Variants in VTI1A observed in about 807,000 individuals in gnomAD.
The protein encoded by VTI1A is vesicle transport through interaction with t-SNAREs 1A.
Under a neutral mutation model 34.9 loss-of-function variants are expected in VTI1A, and 22 were observed. That is an observed-to-expected ratio of 0.63 (90% CI 0.45 to 0.90). VTI1A has a LOEUF of 0.90. Ranked by LOEUF, VTI1A falls within the 40% of genes least tolerant of loss-of-function variation. VTI1A has a pLI of 0.00. For missense variants in VTI1A, 268 were observed against 275.6 expected, an observed-to-expected ratio of 0.97 and a Z score of 0.20; for synonymous variants, 87 against 97.3, an observed-to-expected ratio of 0.89 and a Z score of 0.62.
chr10:112,705,915 A>G (rs1257791283), intron 7 of VTI1A, among the ~76,000 whole-genome samples: 1 of 148,006 alleles, frequency 6.8e-6, no homozygotes, highest in Non-Finnish European at 1.5e-5. Flanking sequence ...GGGCATGTCT[A>G]CGATTGTCAT....
chr10:112,713,969 A>G (rs978146694), intron 7 of VTI1A, among the ~76,000 whole-genome samples: 1 of 152,106 alleles, frequency 6.6e-6, no homozygotes, highest in Non-Finnish European at 1.5e-5. Context: ...CTCCCCGTGT[A>G]TTTTGGCACC....
chr10:112,487,295 T>TAGTATTTTTA (rs1485878971), intron 3 of VTI1A, among the ~76,000 whole-genome samples: 1 of 152,156 alleles, frequency 6.6e-6, no homozygotes, highest in African/African-American at 2.4e-5. Context: ...GGCTCATTTT[T>TAGTATTTTTA]GTATTTTTAG....
At chr10:112,564,186 C>T (rs1851825048) in intron 5 of VTI1A, among the ~76,000 whole-genome samples, 1 of 150,122 alleles carries the variant, frequency 6.7e-6, no homozygotes, top group Non-Finnish European at 1.5e-5. Context: ...CCACAACTTG[C>T]ATGGAATGAA....
At chr10:112,771,016 G>C (rs1253799176) in intron 7 of VTI1A, among the ~76,000 whole-genome samples, 1 of 152,010 alleles carries the variant, frequency 6.6e-6, no homozygotes, top group Non-Finnish European at 1.5e-5. Flanking sequence ...GAGTCGTTTT[G>C]AATGGAGAAG....
At chr10:112,464,499 T>C in intron 2 of VTI1A, 48 bp from the exon 3 acceptor site, 1 of 1,505,506 alleles carries the variant, frequency 6.6e-7, no homozygotes, top group Non-Finnish European at 9.1e-7. Context: ...TTTGTTCAAA[T>C]AAGAATAACA....
chr10:112,845,853 G>A, the VTI1A span, among the ~76,000 whole-genome samples: 80 of 152,094 alleles, frequency 5.3e-4, no homozygotes, highest in African/African-American at 1.9e-3. Context: ...CCCCGTCTCT[G>A]CTAAAAATAC....
chr10:112,589,159 T>TG (rs993483722), intron 5 of VTI1A, among the ~76,000 whole-genome samples: 44 of 151,848 alleles, frequency 2.9e-4, no homozygotes, highest in African/African-American at 1.1e-3. Flanking sequence ...CCTTAATACA[T>TG]GGGGGGTGAT....
intron 7 of VTI1A, among the ~76,000 whole-genome samples, chr10:112,747,858 A>G (rs560441721): frequency 6.6e-6 from 1 of 152,144 alleles, no homozygotes; most frequent in Non-Finnish European, 1.5e-5. Flanking sequence ...CAATTTCCCT[A>G]GGAAGTTTTT....
intron 7 of VTI1A, among the ~76,000 whole-genome samples, chr10:112,679,529 G>C (rs1244106138): frequency 6.6e-6 from 1 of 151,794 alleles, no homozygotes. Flanking sequence ...TTTTAAAAAG[G>C]CTAATGACTT....
chr10:112,589,168 A>G (rs1844281211), intron 5 of VTI1A, among the ~76,000 whole-genome samples: 1 of 151,892 alleles, frequency 6.6e-6, no homozygotes, highest in African/African-American at 2.4e-5. Flanking sequence ...ATGGGGGGTG[A>G]TATGATTTGG....
chr10:112,777,303 T>A (rs963833594), intron 7 of VTI1A, among the ~76,000 whole-genome samples: 4 of 152,146 alleles, frequency 2.6e-5, no homozygotes, highest in Non-Finnish European at 5.9e-5. Flanking sequence ...CTTGTCTGAG[T>A]GGTGTCTGAA....
intron 4 of VTI1A, among the ~76,000 whole-genome samples, chr10:112,534,691 T>A (rs1032406264): frequency 2.9e-4 from 44 of 152,288 alleles, no homozygotes; most frequent in Non-Finnish European, 5.1e-4. Flanking sequence ...TTGTGTTTTT[T>A]ATCTTCCCTA....
intron 5 of VTI1A, among the ~76,000 whole-genome samples, chr10:112,573,057 G>C (rs1490773806): frequency 6.6e-6 from 1 of 151,854 alleles, no homozygotes; most frequent in African/African-American, 2.4e-5. Flanking sequence ...TAGTGCTTTA[G>C]GTTTATTCAG....
At chr10:112,459,610 G>GCTA (rs1847661118) in intron 1 of VTI1A, among the ~76,000 whole-genome samples, 1 of 152,080 alleles carries the variant, frequency 6.6e-6, no homozygotes, top group Non-Finnish European at 1.5e-5. Flanking sequence ...AAGAGAGTAG[G>GCTA]GGCTGTTGCC....
In VTI1A at chr10:112,818,690, A is replaced by G. The variant is rs1853592692; in HGVS notation, c.*3307A>G. ...GACGTTTTTATTTTCTTTCATTATT[A>G]GTCCCCACCATTACGTTCATTAACA... On this transcript the variant is annotated 3_prime_UTR_variant, in exon 8 of 8. Transcript: ENST00000393077. 2 of 207,036 alleles carry G rather than the reference A, an allele frequency of 9.7e-6. No homozygotes were observed. Among genetic ancestry groups the G allele is most frequent in the Non-Finnish European group, 2.0e-5 (2 of 101,168 alleles). 12.8% of individuals were successfully genotyped at this position (207,036 alleles called of 1,614,324 possible).
chr10:112,778,165 A>T (rs1159813698), intron 7 of VTI1A, among the ~76,000 whole-genome samples: 1 of 152,176 alleles, frequency 6.6e-6, no homozygotes, highest in East Asian at 1.9e-4. Flanking sequence ...TATGGAGCTC[A>T]CATTACTCTA....
intron 7 of VTI1A, among the ~76,000 whole-genome samples, chr10:112,730,639 C>T (rs368220717): frequency 9.2e-5 from 14 of 151,496 alleles, no homozygotes; most frequent in African/African-American, 2.7e-4. Context: ...CTTCTTTTTC[C>T]ATCTCCTTGG....
chr10:112,530,185 A>T (rs1850369515), intron 4 of VTI1A, among the ~76,000 whole-genome samples: 1 of 152,162 alleles, frequency 6.6e-6, no homozygotes, highest in South Asian at 2.1e-4. Context: ...GCTAATGCTG[A>T]TTTACAAAGA....
At chr10:112,568,736 C>G (rs1851998023) in intron 5 of VTI1A, among the ~76,000 whole-genome samples, 1 of 152,104 alleles carries the variant, frequency 6.6e-6, no homozygotes, top group African/African-American at 2.4e-5. Flanking sequence ...CATCTTTTAC[C>G]TACTTGTATT....
Sources: gnomAD v4.1 joint callset for allele counts (sites outside exome capture counted in the v4.1 genomes callset) on GRCh38, gnomAD v4.1.1 for gene constraint, MANE v1.5 for transcripts, NCBI Gene and HGNC (gene_info 2026-07-23, HGNC 2026-07-21) for gene names.